KIF1A: variants seen among roughly 807,000 people sequenced by gnomAD.
The protein encoded by KIF1A is kinesin family member 1A.
A neutral mutation model predicts 227.3 loss-of-function variants in KIF1A; 46 were observed. That is an observed-to-expected ratio of 0.20 (90% CI 0.16 to 0.26). The LOEUF is 0.26. Ranked by LOEUF, KIF1A falls within the 10% of genes least tolerant of loss-of-function variation. KIF1A has a pLI of 1.00. For missense variants in KIF1A, 1,683 were observed against 2,485.9 expected (o/e 0.68, Z 6.87); for synonymous variants, 1,022 against 1,012.8 (o/e 1.01, Z -0.17).
Position 240,782,602 on chromosome 2 carries a change from G to T in KIF1A, c.870C>A (p.Ser290=). The T allele has an allele frequency of 6.4e-7, 1 of 1,552,396 alleles. No homozygotes were observed. Among genetic ancestry groups the T allele is most frequent in the African/African-American group, 1.4e-5 (1 of 73,248 alleles). The part of the protein sequence containing the change: ...KVISALAEMD[S]GPNKNKKKKK... ...GGAAGCCGCTTACCTTGTTGGGTCC[G>T]GAGTCCTGAAAAGGAAAAGACAGAG... Residue 290 remains serine, a synonymous_variant, in exon 10 of 49, where the codon TCC becomes TCA. Transcript: ENST00000498729.
At chr2:240,753,670 AC>A (rs921876148) in intron 27 of KIF1A, among the ~76,000 whole-genome samples, 2 of 152,006 alleles carry the variant, frequency 1.3e-5, no homozygotes, top group Non-Finnish European at 2.9e-5. Context: ...GAGGCAGTGC[AC>A]CCCCATCTCC....
intron 45 of KIF1A, chr2:240,720,191 C>T (rs2045146034): frequency 2.7e-6 from 1 of 372,982 alleles, no homozygotes; most frequent in Non-Finnish European, 4.8e-6. Flanking sequence ...TGCCCCACTC[C>T]ACGCCCTTCT....
At chr2:240,738,875 C>T (rs1413492448) in intron 37 of KIF1A, among the ~76,000 whole-genome samples, 4 of 152,218 alleles carry the variant, frequency 2.6e-5, no homozygotes, top group African/African-American at 9.6e-5. Context: ...GGAAGTGAGA[C>T]CAGGGCTCAG....
chr2:240,800,394 G>A (rs866415122), intron 1 of KIF1A, among the ~76,000 whole-genome samples: 2 of 152,160 alleles, frequency 1.3e-5, no homozygotes, highest in Admixed American at 6.5e-5. Flanking sequence ...CAAGAGGCCC[G>A]ATACCACGCC....
At chr2:240,755,171 C>T (rs372741974) in intron 27 of KIF1A, among the ~76,000 whole-genome samples, 53 of 152,328 alleles carry the variant, frequency 3.5e-4, no homozygotes, top group African/African-American at 1.2e-3. Flanking sequence ...TGCCCCAGAC[C>T]GCCAGAGGCA....
chr2:240,777,703 G>C (rs1372616810), intron 10 of KIF1A, among the ~76,000 whole-genome samples: 2 of 152,156 alleles, frequency 1.3e-5, no homozygotes, highest in Non-Finnish European at 2.9e-5. Flanking sequence ...CTGAACACCC[G>C]CCCGCTGCTG....
Position 240,735,293 on chromosome 2 carries a change from G to A in KIF1A, c.4007+1770C>T, listed in dbSNP as rs545199727. 2.0e-4 allele frequency among the ~76,000 whole-genome samples: 31 copies of A among 152,276 alleles called. No individual in the cohort carries two copies. The East Asian group carries it at 5.4e-3, about 27-fold the overall frequency. On this transcript the variant is annotated intron_variant, in intron 38 of 48. Coordinates refer to ENST00000498729, the MANE Select transcript of KIF1A (RefSeq NM_001244008.2). ...TCAACCCCAGAGGCACCCTGGGACC[G>A]GCCTCATGTCTCAGCCCTCAGGGTG...
chr2:240,718,541 C>T (rs1372052754), intron 47 of KIF1A, among the ~76,000 whole-genome samples: 3 of 152,244 alleles, frequency 2.0e-5, no homozygotes, highest in African/African-American at 7.2e-5. Context: ...CTCCAGATGG[C>T]TCAGAGAAAC....
chr2:240,797,801 TG>T lies in KIF1A; in HGVS notation c.-50del. 5 of 1,187,546 alleles carry T rather than the reference TG, an allele frequency of 4.2e-6. No homozygotes were observed. Among genetic ancestry groups the T allele is most frequent in the Non-Finnish European group, 4.9e-6 (4 of 813,382 alleles). 73.6% of individuals were successfully genotyped at this position (1,187,546 alleles called of 1,614,324 possible). A position where few individuals can be genotyped will look rare whatever the true frequency, so the allele number is the denominator to read the frequency against. ...CCTCGCAGTAGTGGGAGCCCCAGTG[TG>T]GGGGGAACACCTTGGAAAAAAGGGA... On this transcript the variant is annotated 5_prime_UTR_variant, in exon 2 of 49. Coordinates refer to ENST00000498729, the MANE Select transcript of KIF1A (RefSeq NM_001244008.2).
Position 240,745,829 on chromosome 2 carries a change from G to A in KIF1A, c.3283C>T (p.Leu1095Phe). 1.2e-6 allele frequency: 2 copies of A among 1,612,946 alleles called. No individual in the cohort carries two copies. The highest frequency in any genetic ancestry group is 1.7e-6 in the Non-Finnish European group (2 of 1,179,692). ...AAGGTGAAGGTGTTGCCCAGGCGGA[G>A]GTGGTCCAGGGCAGCATCCAGGGGC... is the stretch of plus-strand genomic sequence containing the variant. The part of the protein sequence containing the change: ...DGPLDAALDH[L>F]RLGNTFTFRV... The change falls in exon 31 of 49, where the codon CTC (leucine) becomes TTC (phenylalanine). Residue 1095 changes from leucine (L) to phenylalanine (F), a missense_variant. This residue lies in a region of KIF1A where 759 missense variants were observed against 1,020.2 expected (regional missense o/e 0.74). Transcript: ENST00000498729.
chr2:240,721,165 A>G, intron 44 of KIF1A, 127 bp from the exon 45 acceptor site: 1 of 1,283,752 alleles, frequency 7.8e-7, no homozygotes, highest in Non-Finnish European at 1.1e-6. Context: ...TCCTACCAGC[A>G]GCCTTGGCTC....
intron 15 of KIF1A, among the ~76,000 whole-genome samples, chr2:240,769,942 C>T (rs979161423): frequency 1.3e-5 from 2 of 152,204 alleles, no homozygotes; most frequent in South Asian, 2.1e-4. Flanking sequence ...AAAAGAGAAG[C>T]AAATGCTCCT....
rs1261970520 is a variant in KIF1A, at chr2:240,775,677, C to A, written c.958+174G>T. Among the ~76,000 whole-genome samples, 1 of 152,212 alleles carries A rather than the reference C, an allele frequency of 6.6e-6. No individual in the cohort carries two copies. Among genetic ancestry groups the A allele is most frequent in the Non-Finnish European group, 1.5e-5 (1 of 68,044 alleles). On this transcript the variant is annotated intron_variant, in intron 11 of 48. Transcript: ENST00000498729. The surrounding 1 kb of genome is among the most constrained non-coding windows in gnomAD (Gnocchi z 5.5). ...CGTTAACCCACTGCTGGCCGTTGCC[C>A]CAGGTCCTCCAGAAGGGCCACGAAC... is the stretch of plus-strand genomic sequence containing the variant.
Position 240,746,197 on chromosome 2 carries a change from A to T in KIF1A, c.3064-20T>A. ...CTGGAACTGATCAGAGGGGGACCAG[A>T]GTCAGAGAGAGCCAGGAGCCAGCCG... On this transcript the variant is annotated intron_variant, in intron 29 of 48. Transcript: ENST00000498729. 2.6e-6 allele frequency: 4 copies of T among 1,553,076 alleles called. No homozygotes were observed. The highest frequency in any genetic ancestry group is 3.5e-6 in the Non-Finnish European group (4 of 1,148,554).
rs377722824 is a variant in KIF1A, at chr2:240,783,033, G to T, written c.864+11C>A. ...GGGTTCTGGCTATGGAAGCCGGGCC[G>T]GGCCACTCACCATTTCAGCCAGGGC... On this transcript the variant is annotated intron_variant, in intron 9 of 48. Transcript: ENST00000498729. 1.2e-6 allele frequency: 2 copies of T among 1,609,774 alleles called. No individual in the cohort carries two copies. Among genetic ancestry groups the T allele is most frequent in the Admixed American group, 3.3e-5 (2 of 60,008 alleles).
Position 240,808,011 on chromosome 2 carries a change from T to C in KIF1A, c.-60-10199A>G, listed in dbSNP as rs867802454. On this transcript the variant is annotated intron_variant, in intron 1 of 48. Transcript: ENST00000498729. ...AAAGAAAACTTTTTTAACCTCATAA[T>C]AGCTATCTACTAAAAACCTACCCAA... Among the ~76,000 whole-genome samples, 15 of 152,340 alleles carry C rather than the reference T, an allele frequency of 9.8e-5. No homozygotes were observed. In the Middle Eastern group the frequency reaches 0.02, roughly 207 times the overall value.
chr2:240,767,356 A>G lies in KIF1A; in HGVS notation c.1498-11T>C. ...GACGAGGTGTGGTGTCTGCAGGGAG[A>G]CAGGAGGATCATCTCTCTTGCAGAG... On this transcript the variant is annotated splice_polypyrimidine_tract_variant and intron_variant, in intron 17 of 48. Transcript: ENST00000498729. The G allele has an allele frequency of 6.2e-7, 1 of 1,610,330 alleles. No homozygotes were observed. Among genetic ancestry groups the G allele is most frequent in the East Asian group, 2.2e-5 (1 of 44,858 alleles).
rs111899253 is a variant in KIF1A, at chr2:240,781,576, G to A, written c.882+1014C>T. Reference sequence around the variant, plus strand: ...GGATCGTTCTCCGCTTCCTCCCCACGCCGCCCACGCCATTCCCCAGCGTTC... The same window carrying A: ...GGATCGTTCTCCGCTTCCTCCCCACACCGCCCACGCCATTCCCCAGCGTTC... On this transcript the variant is annotated intron_variant, in intron 10 of 48. Transcript: ENST00000498729. 4.2e-5 allele frequency among the ~76,000 whole-genome samples: 6 copies of A among 141,806 alleles called. No individual in the cohort carries two copies. The South Asian group carries it at 8.5e-4, about 20-fold the overall frequency. The allele number at this position is 141,806 out of a possible 152,430, so 93.0% of individuals were successfully genotyped here. A position where few individuals can be genotyped will look rare whatever the true frequency, so the allele number is the denominator to read the frequency against.
Position 240,717,340 on chromosome 2 carries a change from C to A in KIF1A, c.*24G>T. ...GAGGGAGGGGATGGGCTGGGCCTGCCGGCTGTCACGGGAGGGCTCAGGTTC... is the reference window on the plus strand; with the variant it reads ...GAGGGAGGGGATGGGCTGGGCCTGCAGGCTGTCACGGGAGGGCTCAGGTTC... On this transcript the variant is annotated 3_prime_UTR_variant, in exon 49 of 49. Coordinates refer to ENST00000498729, the MANE Select transcript of KIF1A (RefSeq NM_001244008.2). The A allele has an allele frequency of 3.1e-6, 5 of 1,607,126 alleles. No homozygotes were observed. The highest frequency in any genetic ancestry group is 4.2e-6 in the Non-Finnish European group (5 of 1,176,572).
Sources: allele counts gnomAD v4.1 joint callset (sites outside exome capture counted in the v4.1 genomes callset), GRCh38; gene constraint gnomAD v4.1.1; regional missense constraint gnomAD v4.1.1; non-coding constraint Gnocchi (gnomAD v3.1); transcripts MANE v1.5; gene names NCBI Gene and HGNC (gene_info 2026-07-23, HGNC 2026-07-21).